Variants in OR5K4 observed in about 807,000 individuals in gnomAD.
OR5K4 encodes olfactory receptor 5K4.
A neutral mutation model predicts 11.8 loss-of-function variants in OR5K4; 16 were observed. That is an observed-to-expected ratio of 1.36 (90% CI 0.92 to 2.06). The LOEUF is 2.06. Among genes scored for constraint, OR5K4 ranks in the 30% most tolerant of loss-of-function variants. The probability of loss-of-function intolerance (pLI) is 0.00; values close to 1 mark genes in which losing one functional copy is unlikely to be tolerated. For synonymous variants in OR5K4, 152 were observed against 135.1 expected (o/e 1.12, Z -0.87); for missense variants, 442 against 386.9 (o/e 1.14, Z -1.19).
At position 98,354,512 on chromosome 3, in the gene OR5K4, G is replaced by T; in HGVS notation, c.659G>T (p.Cys220Phe). 1 of 1,612,868 alleles carries T rather than the reference G, an allele frequency of 6.2e-7. No homozygotes were observed. The highest frequency in any genetic ancestry group is 2.2e-5 in the East Asian group (1 of 44,850). Reference sequence around the variant, plus strand: ...GCTACTGTCTTGATCTCTTATCTCTGCATCCTTTTGACTGTTTTCAAAATG... The same window carrying T: ...GCTACTGTCTTGATCTCTTATCTCTTCATCCTTTTGACTGTTTTCAAAATG... ...TIATVLISYLCILLTVFKMKS... is the reference protein window; with the variant it reads ...TIATVLISYLFILLTVFKMKS... Residue 220 changes from cysteine (C) to phenylalanine (F), a missense_variant, in exon 1 of 1, where the codon TGC (cysteine) becomes TTC (phenylalanine). Cys to Phe is a radical substitution (Grantham distance 205). Transcript: ENST00000354924.
Position 98,354,369 on chromosome 3 carries a change from T to C in OR5K4, c.516T>C (p.Asn172=). 6.2e-7 allele frequency: 1 copy of C among 1,614,186 alleles called. No individual in the cohort carries two copies. Among genetic ancestry groups the C allele is most frequent in the Non-Finnish European group, 8.5e-7 (1 of 1,180,008 alleles). ...TAAGGTTAACTTTCTGCAGGTCTAA[T>C]AAAATTCACCACTTTTTCTGTGATA... ...LLLRLTFCRS[N]KIHHFFCDIL... Residue 172 remains asparagine (N), a synonymous_variant, in exon 1 of 1, where the codon AAT becomes AAC. Transcript: ENST00000354924.
At position 98,354,744 on chromosome 3, in the gene OR5K4, T is replaced by A. The variant is rs1378215346; in HGVS notation, c.891T>A (p.Val297=). The change falls in exon 1 of 1, where the codon GTT becomes GTA. Residue 297 remains valine (V), a synonymous_variant. Transcript: ENST00000354924. The stretch of plus-strand genomic sequence containing the variant: ...TGAGAAATAAGGAGGTCATAAATGT[T>A]CTTAAAAAAATTATGAGGAATTATA... ...YSLRNKEVIN[V]LKKIMRNYNI... 6.6e-7 allele frequency: 1 copy of A among 1,512,856 alleles called. No homozygotes were observed. Among genetic ancestry groups the A allele is most frequent in the Admixed American group, 2.0e-5 (1 of 49,618 alleles). 93.7% of individuals were successfully genotyped at this position (1,512,856 alleles called of 1,614,324 possible). A position where few individuals can be genotyped will look rare whatever the true frequency, so the allele number is the denominator to read the frequency against.
chr3:98,354,358 T>C lies in OR5K4; in HGVS notation c.505T>C (p.Cys169Arg). 2 of 1,614,220 alleles carry C rather than the reference T, an allele frequency of 1.2e-6. No homozygotes were observed. The highest frequency in any genetic ancestry group is 1.7e-6 in the Non-Finnish European group (2 of 1,180,030). ...AGGGCTTTTATTAAGGTTAACTTTC[T>C]GCAGGTCTAATAAAATTCACCACTT... is the stretch of plus-strand genomic sequence containing the variant. ...HVGLLLRLTF[C>R]RSNKIHHFFC... The change falls in exon 1 of 1, where the codon TGC becomes CGC. Residue 169 changes from cysteine to arginine, a missense_variant. Coordinates refer to ENST00000354924, the MANE Select transcript of OR5K4 (RefSeq NM_001005517.1).
At position 98,354,648 on chromosome 3, in the gene OR5K4, A is replaced by T; in HGVS notation, c.795A>T (p.Gly265=). Residue 265 remains glycine, a synonymous_variant, in exon 1 of 1, where the codon GGA becomes GGT. Transcript: ENST00000354924. Reference sequence around the variant, plus strand: ...TGTATATTGGACCATCTGAAGAAGGAGATAAAGATACACCAGTGGCAATAT... The same window carrying T: ...TGTATATTGGACCATCTGAAGAAGGTGATAAAGATACACCAGTGGCAATAT... ...LLMYIGPSEE[G]DKDTPVAIFY... 2 of 1,611,730 alleles carry T rather than the reference A, an allele frequency of 1.2e-6. No homozygotes were observed. Among genetic ancestry groups the T allele is most frequent in the South Asian group, 2.2e-5 (2 of 91,032 alleles).
rs776678692 is a variant in OR5K4, at chr3:98,354,792, T to C, written c.939T>C (p.Ser313=). ...RNYNILKQTC[S]IANLFLIY is the part of the protein sequence containing the mutation. ...ATAACATTCTTAAACAAACTTGCTC[T>C]ATAGCAAATTTATTTTTAATTTATT... The change falls in exon 1 of 1, where the codon TCT becomes TCC. Residue 313 remains serine, a synonymous_variant. Transcript: ENST00000354924. The C allele has an allele frequency of 3.1e-6, 4 of 1,301,220 alleles. No homozygotes were observed. The highest frequency in any genetic ancestry group is 4.2e-6 in the Non-Finnish European group (4 of 946,244). 80.6% of individuals were successfully genotyped at this position (1,301,220 alleles called of 1,614,324 possible).
rs9822460 is a variant in OR5K4 at position 98,354,469 on chromosome 3, A to G, written c.616A>G (p.Ile206Val). 342,466 of 1,608,588 alleles carry G rather than the reference A, an allele frequency of 0.21. 37,496 individuals are homozygous for G. The highest frequency in any genetic ancestry group is 0.26 in the African/African-American group (19,794 of 74,820). The change falls in exon 1 of 1, where the codon ATT becomes GTT. Residue 206 changes from isoleucine (I) to valine (V), a missense_variant. By Grantham distance (29) the Ile-to-Val change is conservative. Transcript: ENST00000354924. ...ELMIYIFSIP[I>V]QIFTIATVLI... is the part of the protein sequence containing the mutation. ...AATGATATATATCTTTTCAATACCA[A>G]TTCAAATCTTTACCATTGCTACTGT...
At position 98,354,117 on chromosome 3, in the gene OR5K4, G is replaced by A. The variant is rs1707029337; in HGVS notation, c.264G>A (p.Glu88=). 6.2e-7 allele frequency: 1 copy of A among 1,614,098 alleles called. No homozygotes were observed. The highest frequency in any genetic ancestry group is 8.5e-7 in the Non-Finnish European group (1 of 1,180,006). Residue 88 remains glutamate (E), a synonymous_variant, in exon 1 of 1, where the codon GAG becomes GAA. Transcript: ENST00000354924. ...TPKMLENFFS[E]DRIISLYECM... Reference sequence around the variant, plus strand: ...AGATGTTAGAGAATTTCTTTTCTGAGGATAGAATTATTTCCCTGTATGAAT... The same window carrying A: ...AGATGTTAGAGAATTTCTTTTCTGAAGATAGAATTATTTCCCTGTATGAAT...
Position 98,354,580 on chromosome 3 carries a change from TC to T in OR5K4, c.730del (p.His244ThrfsTer34). On this transcript the variant is annotated frameshift_variant, in exon 1 of 1. Coordinates refer to ENST00000354924, the MANE Select transcript of OR5K4 (RefSeq NM_001005517.1). LOFTEE classifies it high-confidence loss of function. ...AGGTAAAGCATTTTCTACCTGTGCATCCCACTTTCTCTCTGTCTCAATATTT... is the reference window on the plus strand; with the variant it reads ...AGGTAAAGCATTTTCTACCTGTGCATCCACTTTCTCTCTGTCTCAATATTT... ...GRGKAFSTCA[S>X]HFLSVSIFYI... 1.2e-6 allele frequency: 2 copies of T among 1,613,946 alleles called. No individual in the cohort carries two copies. The highest frequency in any genetic ancestry group is 1.7e-6 in the Non-Finnish European group (2 of 1,179,896).
chr3:98,354,768 T>C lies in OR5K4; in HGVS notation c.915T>C (p.Tyr305=). Residue 305 remains tyrosine, a synonymous_variant, in exon 1 of 1, where the codon TAT becomes TAC. Coordinates refer to ENST00000354924, the MANE Select transcript of OR5K4 (RefSeq NM_001005517.1). ...TTCTTAAAAAAATTATGAGGAATTA[T>C]AACATTCTTAAACAAACTTGCTCTA... is the stretch of plus-strand genomic sequence containing the variant. ...INVLKKIMRN[Y]NILKQTCSIA... The C allele has an allele frequency of 1.4e-6, 2 of 1,470,130 alleles. No homozygotes were observed. The highest frequency in any genetic ancestry group is 2.5e-5 in the South Asian group (2 of 80,938). 91.1% of individuals were successfully genotyped at this position (1,470,130 alleles called of 1,614,324 possible). A position where few individuals can be genotyped will look rare whatever the true frequency, so the allele number is the denominator to read the frequency against.
rs760738917 is a variant in OR5K4 at position 98,353,975 on chromosome 3, G to T, written c.122G>T (p.Gly41Val). The stretch of plus-strand genomic sequence containing the variant: ...GCCATCTATCTGGTCACCATGGTGG[G>T]GAATCTTGGTCTGGTGGCATTAATT... The part of the protein sequence containing the change: ...FSAIYLVTMV[G>V]NLGLVALIYV... Residue 41 changes from glycine (G) to valine (V), a missense_variant, in exon 1 of 1, where the codon GGG becomes GTG. Transcript: ENST00000354924. 4.3e-6 allele frequency: 7 copies of T among 1,614,110 alleles called. No individual in the cohort carries two copies. Among genetic ancestry groups the T allele is most frequent in the Non-Finnish European group, 5.9e-6 (7 of 1,180,018 alleles).
chr3:98,354,302 A>G lies in OR5K4; in HGVS notation c.449A>G (p.Lys150Arg), dbSNP rs1376771098. 4 of 1,614,182 alleles carry G rather than the reference A, an allele frequency of 2.5e-6. No individual in the cohort carries two copies. In the African/African-American group the frequency reaches 4.0e-5, roughly 16 times the overall value. The change falls in exon 1 of 1, where the codon AAA becomes AGA. Residue 150 changes from lysine (K) to arginine (R), a missense_variant. Lys to Arg is a conservative substitution (Grantham distance 26). Coordinates refer to ENST00000354924, the MANE Select transcript of OR5K4 (RefSeq NM_001005517.1). ...ATTCGGATGACCACAGGGGCCTTCA[A>G]AGCTGGAAACCTGCATTCCATGATT... ...LCIRMTTGAF[K>R]AGNLHSMIHV...
chr3:98,353,937 T>C lies in OR5K4; in HGVS notation c.84T>C (p.Phe28=). 1 of 1,614,166 alleles carries C rather than the reference T, an allele frequency of 6.2e-7. No homozygotes were observed. The highest frequency in any genetic ancestry group is 8.5e-7 in the Non-Finnish European group (1 of 1,180,010). Residue 28 remains phenylalanine, a synonymous_variant, in exon 1 of 1, where the codon TTT becomes TTC. Coordinates refer to ENST00000354924, the MANE Select transcript of OR5K4 (RefSeq NM_001005517.1). ...ATCCAGAGCTGAAGACGCTTCTGTTTGTGGTGTTCTCTGCCATCTATCTGG... is the reference window on the plus strand; with the variant it reads ...ATCCAGAGCTGAAGACGCTTCTGTTCGTGGTGTTCTCTGCCATCTATCTGG... ...TNYPELKTLL[F]VVFSAIYLVT...
chr3:98,354,196 C>T lies in OR5K4; in HGVS notation c.343C>T (p.Leu115=), dbSNP rs757509598. 13 of 1,614,090 alleles carry T rather than the reference C, an allele frequency of 8.1e-6. No homozygotes were observed. The highest frequency in any genetic ancestry group is 1.0e-5 in the Non-Finnish European group (12 of 1,180,044). The change falls in exon 1 of 1, where the codon CTG becomes TTG. Residue 115 remains leucine, a synonymous_variant. Coordinates refer to ENST00000354924, the MANE Select transcript of OR5K4 (RefSeq NM_001005517.1). Reference sequence around the variant, plus strand: ...TGCTGAAACCACAGACTGCTTTCTTCTGGCGACAATGGCCTATGACCGCTA... The same window carrying T: ...TGCTGAAACCACAGACTGCTTTCTTTTGGCGACAATGGCCTATGACCGCTA... ...CLAETTDCFL[L]ATMAYDRYVA... is the part of the protein sequence containing the mutation.
rs373649244 is a variant in OR5K4, at chr3:98,354,280, C to T, written c.427C>T (p.Arg143Trp). 86 of 1,614,208 alleles carry T rather than the reference C, an allele frequency of 5.3e-5. No homozygotes were observed. Among genetic ancestry groups the T allele is most frequent in the African/African-American group, 1.3e-4 (10 of 75,062 alleles). The change falls in exon 1 of 1, where the codon CGG becomes TGG. Residue 143 changes from arginine to tryptophan, a missense_variant. Arg to Trp is a moderately radical substitution (Grantham distance 101). Coordinates refer to ENST00000354924, the MANE Select transcript of OR5K4 (RefSeq NM_001005517.1). Reference sequence around the variant, plus strand: ...CATGATGTCCAAGACGCTCTGCATTCGGATGACCACAGGGGCCTTCAAAGC... The same window carrying T: ...CATGATGTCCAAGACGCTCTGCATTTGGATGACCACAGGGGCCTTCAAAGC... Reference protein sequence around the residue: ...HTMMSKTLCIRMTTGAFKAGN... With the variant: ...HTMMSKTLCIWMTTGAFKAGN...
rs760620881 is a variant in OR5K4, at chr3:98,354,656, A to G, written c.803A>G (p.Asp268Gly). 6.2e-7 allele frequency: 1 copy of G among 1,611,670 alleles called. No homozygotes were observed. The highest frequency in any genetic ancestry group is 8.5e-7 in the Non-Finnish European group (1 of 1,177,962). The change falls in exon 1 of 1, where the codon GAT (aspartate) becomes GGT (glycine). Residue 268 changes from aspartate (D) to glycine (G), a missense_variant. Coordinates refer to ENST00000354924, the MANE Select transcript of OR5K4 (RefSeq NM_001005517.1). ...YIGPSEEGDK[D>G]TPVAIFYAIV... ...GGACCATCTGAAGAAGGAGATAAAGATACACCAGTGGCAATATTTTATGCA... is the reference window on the plus strand; with the variant it reads ...GGACCATCTGAAGAAGGAGATAAAGGTACACCAGTGGCAATATTTTATGCA...
In OR5K4 at chr3:98,353,881, G is replaced by A. The variant is rs1158635922; in HGVS notation, c.28G>A (p.Ala10Thr). The A allele has an allele frequency of 6.2e-7, 1 of 1,611,806 alleles. No individual in the cohort carries two copies. The highest frequency in any genetic ancestry group is 1.7e-5 in the Admixed American group (1 of 59,690). The change falls in exon 1 of 1, where the codon GCT becomes ACT. Residue 10 changes from alanine (A) to threonine (T), a missense_variant. Transcript: ENST00000354924. ...GGCTAGGGAAAATCACTCCTTAGCA[G>A]CTGAATTCATCCTCATAGGATTTAC... MARENHSLA[A>T]EFILIGFTNY...
Position 98,354,698 on chromosome 3 carries a change from T to G in OR5K4, c.845T>G (p.Leu282Arg), listed in dbSNP as rs1707039980. ...AIFYAIVIPLLNPFIYSLRNK... is the reference protein window; with the variant it reads ...AIFYAIVIPLRNPFIYSLRNK... ...TTTTATGCAATAGTAATCCCATTAC[T>G]AAACCCTTTTATTTATAGTCTGAGA... The change falls in exon 1 of 1, where the codon CTA becomes CGA. Residue 282 changes from leucine to arginine, a missense_variant. Physicochemically the swap from Leu to Arg is moderately radical, Grantham distance 102. Coordinates refer to ENST00000354924, the MANE Select transcript of OR5K4 (RefSeq NM_001005517.1). 2 of 1,604,694 alleles carry G rather than the reference T, an allele frequency of 1.2e-6. No homozygotes were observed. The highest frequency in any genetic ancestry group is 1.7e-6 in the Non-Finnish European group (2 of 1,172,694).
rs919075129 is a variant in OR5K4, at chr3:98,354,027, A to G, written c.174A>G (p.Pro58=). The G allele has an allele frequency of 1.7e-5, 27 of 1,613,644 alleles. No individual in the cohort carries two copies. Among genetic ancestry groups the G allele is most frequent in the Non-Finnish European group, 2.3e-5 (27 of 1,179,912 alleles). The change falls in exon 1 of 1, where the codon CCA becomes CCG. Residue 58 remains proline, a synonymous_variant. Coordinates refer to ENST00000354924, the MANE Select transcript of OR5K4 (RefSeq NM_001005517.1). The part of the protein sequence containing the change: ...LIYVERRLLT[P]MYIFLGNLAL... ...ATGTAGAGCGTCGTCTTCTCACACC[A>G]ATGTACATCTTTCTGGGCAACCTGG...
In OR5K4 at chr3:98,354,504, T is replaced by C. The variant is rs778301659; in HGVS notation, c.651T>C (p.Ser217=). Residue 217 remains serine (S), a synonymous_variant, in exon 1 of 1, where the codon TCT becomes TCC. Coordinates refer to ENST00000354924, the MANE Select transcript of OR5K4 (RefSeq NM_001005517.1). The part of the protein sequence containing the change: ...QIFTIATVLI[S]YLCILLTVFK... ...TTACCATTGCTACTGTCTTGATCTC[T>C]TATCTCTGCATCCTTTTGACTGTTT... 6.2e-7 allele frequency: 1 copy of C among 1,613,072 alleles called. No individual in the cohort carries two copies. Among genetic ancestry groups the C allele is most frequent in the South Asian group, 1.1e-5 (1 of 91,064 alleles).
Sources: gnomAD v4.1 joint callset for allele counts on GRCh38, gnomAD v4.1.1 for gene constraint, MANE v1.5 for transcripts, NCBI Gene and HGNC (gene_info 2026-07-23, HGNC 2026-07-21) for gene names.